ZFHX3: variants seen among roughly 807,000 people sequenced by gnomAD.
The protein encoded by ZFHX3 is zinc finger homeobox 3, also known as zinc finger homeobox protein 3.
A neutral mutation model predicts 279.1 loss-of-function variants in ZFHX3; 42 were observed. That is an observed-to-expected ratio of 0.15 (90% CI 0.12 to 0.19). The LOEUF (loss-of-function observed/expected upper bound fraction) is 0.19. Ranked by LOEUF, ZFHX3 falls within the 10% of genes least tolerant of loss-of-function variation. ZFHX3 has a pLI of 1.00. For missense variants in ZFHX3, 4,981 were observed against 4,754.0 expected, an observed-to-expected ratio of 1.05 and a Z score of -1.40; for synonymous variants, 2,293 against 1,957.8, an observed-to-expected ratio of 1.17 and a Z score of -4.52.
intron 5 of ZFHX3, among the ~76,000 whole-genome samples, chr16:73,187,342 ATT>A (rs11437976): frequency 6.8e-6 from 1 of 147,618 alleles, no homozygotes; most frequent in Non-Finnish European, 1.5e-5. Flanking sequence ...GTAAAGAGGG[ATT>A]TTTTTTTTTT....
At chr16:72,982,347 G>A (rs1206518356) in intron 1 of ZFHX3, among the ~76,000 whole-genome samples, 1 of 152,212 alleles carries the variant, frequency 6.6e-6, no homozygotes, top group African/African-American at 2.4e-5. Context: ...GTTAGCTGCA[G>A]AGCAAGGACC....
In ZFHX3 at chr16:73,477,627, G is replaced by T. The variant is rs2018786786; in HGVS notation, c.-1546-21369C>A. On this transcript the variant is annotated intron_variant, in intron 2 of 17. Coordinates refer to the ZFHX3 transcript ENST00000641206. ...GACCCTGCCAACAGGCATCATGGTG[G>T]CAGGCTGCACACCACGGGCCCCAGC... is the stretch of plus-strand genomic sequence containing the variant. Among the ~76,000 whole-genome samples the T allele has an allele frequency of 2.0e-5, 3 of 152,144 alleles. No individual in the cohort carries two copies. In the South Asian group the frequency reaches 6.2e-4, roughly 32 times the overall value.
chr16:73,495,987 G>A (rs772714633), intron 2 of ZFHX3, among the ~76,000 whole-genome samples: 3 of 152,192 alleles, frequency 2.0e-5, no homozygotes, highest in Non-Finnish European at 4.4e-5. Flanking sequence ...GATTTATGGA[G>A]CCTTAACATA....
intron 8 of ZFHX3, among the ~76,000 whole-genome samples, chr16:73,072,239 G>A (rs575607666): frequency 2.9e-4 from 44 of 152,120 alleles, no homozygotes; most frequent in Admixed American, 5.9e-4. Context: ...GAGGTCAGGA[G>A]TTCAAGACCA....
chr16:73,125,206 T>G (rs889520487), intron 7 of ZFHX3: 1 of 150,126 alleles, frequency 6.7e-6, no homozygotes, highest in East Asian at 1.9e-4. Flanking sequence ...CTGTTTTTTT[T>G]TTTTTTTTTT....
chr16:72,907,543 ATTTGTGTGTG>A (rs2039208309), intron 3 of ZFHX3, among the ~76,000 whole-genome samples: 4 of 80,064 alleles, frequency 5.0e-5, no homozygotes, highest in Non-Finnish European at 6.9e-5. Flanking sequence ...GGTTTCCTCT[ATTTGTGTGTG>A]TGTGTGTGTG....
At chr16:73,047,508 A>G (rs1031850041) in intron 1 of ZFHX3, among the ~76,000 whole-genome samples, 1 of 152,166 alleles carries the variant, frequency 6.6e-6, no homozygotes, top group Non-Finnish European at 1.5e-5. Flanking sequence ...AGACTCAGGA[A>G]AGGAGGAGGG....
At chr16:73,357,208 A>ATAG (rs1370075562) in intron 3 of ZFHX3, among the ~76,000 whole-genome samples, 1 of 151,962 alleles carries the variant, frequency 6.6e-6, no homozygotes, top group Non-Finnish European at 1.5e-5. Context: ...AATAATAATA[A>ATAG]TAATACCCCC....
At chr16:72,898,441 C>T (rs749949336) in intron 3 of ZFHX3, among the ~76,000 whole-genome samples, 4 of 152,108 alleles carry the variant, frequency 2.6e-5, no homozygotes, top group Non-Finnish European at 4.4e-5. Flanking sequence ...TTCCCTTGCA[C>T]GAATCACATT....
At chr16:73,078,686 C>G (rs909239927) in intron 8 of ZFHX3, among the ~76,000 whole-genome samples, 1 of 151,692 alleles carries the variant, frequency 6.6e-6, no homozygotes, top group African/African-American at 2.4e-5. Context: ...GCTCTGTCGC[C>G]CAGGCTGGAG....
intron 2 of ZFHX3, among the ~76,000 whole-genome samples, chr16:73,658,631 C>T (rs1039069586): frequency 6.6e-6 from 1 of 152,112 alleles, no homozygotes; most frequent in Non-Finnish European, 1.5e-5. Context: ...ACATATCATC[C>T]ACTTGTATAG....
At chr16:72,826,093 A>G (rs2036922456) in intron 5 of ZFHX3, among the ~76,000 whole-genome samples, 2 of 152,216 alleles carry the variant, frequency 1.3e-5, no homozygotes, top group African/African-American at 4.8e-5. Context: ...GTAGGGACTC[A>G]GCCATTGATC....
chr16:73,193,152 G>A (rs1968078264), intron 5 of ZFHX3, among the ~76,000 whole-genome samples: 1 of 152,190 alleles, frequency 6.6e-6, no homozygotes, highest in African/African-American at 2.4e-5. Context: ...TCAGTGCCAA[G>A]TGATATTGGT....
chr16:72,890,091 G>T (rs111547147), intron 3 of ZFHX3, 129 bp from the exon 4 acceptor site: 2 of 770,980 alleles, frequency 2.6e-6, no homozygotes, highest in Non-Finnish European at 4.1e-6. Flanking sequence ...AGCCAAACAG[G>T]ACAGTCTTTG....
intron 2 of ZFHX3, among the ~76,000 whole-genome samples, chr16:73,675,321 C>T (rs575471847): frequency 6.6e-6 from 1 of 152,060 alleles, no homozygotes; most frequent in African/African-American, 2.4e-5. Context: ...AATTAGAGAG[C>T]TCATTTCCCA....
intron 2 of ZFHX3, among the ~76,000 whole-genome samples, chr16:73,628,246 T>A (rs1281019618): frequency 2.0e-5 from 3 of 152,232 alleles, no homozygotes; most frequent in Non-Finnish European, 4.4e-5. Context: ...AATTACTAGG[T>A]GACCCTAATT....
intron 5 of ZFHX3, among the ~76,000 whole-genome samples, chr16:72,813,336 A>G (rs1287025053): frequency 6.6e-6 from 1 of 152,214 alleles, no homozygotes; most frequent in Admixed American, 6.5e-5. Flanking sequence ...GTTATCTGGC[A>G]TATATTTCCA....
intron 1 of ZFHX3, among the ~76,000 whole-genome samples, chr16:73,693,611 C>T (rs988321553): frequency 3.9e-5 from 6 of 152,164 alleles, no homozygotes; most frequent in South Asian, 4.2e-4. Flanking sequence ...GCCACGGGAA[C>T]GAGAGAAAAG....
chr16:73,100,641 G>A (rs888430575), intron 7 of ZFHX3, among the ~76,000 whole-genome samples: 14 of 150,926 alleles, frequency 9.3e-5, no homozygotes, highest in African/African-American at 2.9e-4. Context: ...GTGCAGTGGC[G>A]CAACCTTGCC....
Sources: allele counts gnomAD v4.1 joint callset (sites outside exome capture counted in the v4.1 genomes callset), GRCh38; gene constraint gnomAD v4.1.1; transcripts MANE v1.5; gene names NCBI Gene and HGNC (gene_info 2026-07-23, HGNC 2026-07-21).